PSG7: variants seen among roughly 807,000 people sequenced by gnomAD.
PSG7 encodes the protein pregnancy-specific beta-1-glycoprotein 7.
PSG7 carries 57 observed loss-of-function variants against 45.6 expected under a neutral mutation model. That is an observed-to-expected ratio of 1.25 (90% CI 1.01 to 1.56). PSG7 has a LOEUF of 1.56. Among genes scored for constraint, PSG7 ranks in the 40% most tolerant of loss-of-function variants. The pLI is 0.00. For missense variants in PSG7, 796 were observed against 508.4 expected, an observed-to-expected ratio of 1.57 and a Z score of -5.44; for synonymous variants, 298 against 194.4, an observed-to-expected ratio of 1.53 and a Z score of -4.43.
intron 2 of PSG7, among the ~76,000 whole-genome samples, chr19:42,934,638 T>C (rs891039902): frequency 7.2e-5 from 11 of 151,730 alleles, no homozygotes; most frequent in African/African-American, 2.7e-4. Context: ...ATTAATTTGC[T>C]TCCATGAGAA....
In PSG7 at chr19:42,925,918, C is replaced by T. The variant is rs769645408; in HGVS notation, c.1098G>A (p.Trp366Ter). The T allele has an allele frequency of 1.2e-6, 2 of 1,612,186 alleles. No homozygotes were observed. Among genetic ancestry groups the T allele is most frequent in the East Asian group, 2.2e-5 (1 of 44,796 alleles). ...ADSNPPAQYS[W>*]TINGKFQLSG... ...ATAGCTGAAACTTCCCATTAATTGTCCAAGAATACTGTGCCGGTGGGTTAG... is the reference window on the plus strand; with the variant it reads ...ATAGCTGAAACTTCCCATTAATTGTTCAAGAATACTGTGCCGGTGGGTTAG... The change falls in exon 5 of 6, where the codon TGG becomes TGA. Residue 366 changes from tryptophan to a stop codon, truncating the protein, a stop_gained. Transcript: ENST00000406070. LOFTEE classifies it high-confidence loss of function.
rs782805230 is a variant in PSG7, at chr19:42,935,541, C to A, written c.293G>T (p.Arg98Leu). 8 of 1,611,994 alleles carry A rather than the reference C, an allele frequency of 5.0e-6. No homozygotes were observed. Among genetic ancestry groups the A allele is most frequent in the Non-Finnish European group, 6.8e-6 (8 of 1,179,048 alleles). Residue 98 changes from arginine (R) to leucine (L), a missense_variant, in exon 2 of 6, where the codon CGA becomes CTA. By Grantham distance (102) the Arg-to-Leu change is moderately radical. Transcript: ENST00000406070. Reference protein sequence around the residue: ...IIKYGPAYSGRETVYSNASLL... With the variant: ...IIKYGPAYSGLETVYSNASLL... ...GGATGCATTGGAATATACTGTTTCT[C>A]GTCCACTGTATGCAGGCCCATATTT...
At position 42,935,642 on chromosome 19, in the gene PSG7, G is replaced by T; in HGVS notation, c.192C>A (p.Gly64=). Residue 64 remains glycine (G), a synonymous_variant, in exon 2 of 6, where the codon GGC becomes GGA. Transcript: ENST00000406070. ...TGATTTGTCCTTTGTACCAGATGTA[G>T]CCAGTAAGATTCTGGGGCAAATTGT... ...LVHNLPQNLT[G]YIWYKGQIRD... is the part of the protein sequence containing the mutation. 2.5e-6 allele frequency: 4 copies of T among 1,612,112 alleles called. No homozygotes were observed. Among genetic ancestry groups the T allele is most frequent in the Middle Eastern group, 1.7e-4 (1 of 6,060 alleles).
Position 42,924,334 on chromosome 19 carries a change from G to A in PSG7, c.*474C>T, listed in dbSNP as rs774753282. On this transcript the variant is annotated 3_prime_UTR_variant, in exon 6 of 6. Coordinates refer to ENST00000406070, the MANE Select transcript of PSG7 (RefSeq NM_002783.3). ...AATATCTCTGTGTTCATTTCTATTG[G>A]GAGCCCTGTATGCAAGATGGAGAGA... The A allele has an allele frequency of 2.6e-6, 1 of 389,348 alleles. No homozygotes were observed. Among genetic ancestry groups the A allele is most frequent in the Non-Finnish European group, 4.5e-6 (1 of 220,278 alleles). The allele number at this position is 389,348 out of a possible 1,614,324, so 24.1% of individuals were successfully genotyped here. A position where few individuals can be genotyped will look rare whatever the true frequency, so the allele number is the denominator to read the frequency against.
chr19:42,931,620 TAA>T (rs2122688341), intron 2 of PSG7, among the ~76,000 whole-genome samples: 1 of 151,562 alleles, frequency 6.6e-6, no homozygotes, highest in African/African-American at 2.4e-5. Context: ...AGTAAGAGGC[TAA>T]GTGAGATGGC....
At chr19:42,929,849 G>A in intron 2 of PSG7, 129 bp from the exon 3 acceptor site, 3 of 1,385,218 alleles carry the variant, frequency 2.2e-6, no homozygotes, top group Non-Finnish European at 2.9e-6. Context: ...TGGCAGGTGT[G>A]TGTGTTACAA....
At chr19:42,926,376 C>G in intron 4 of PSG7, 62 bp downstream of exon 4, 2 of 1,597,658 alleles carry the variant, frequency 1.3e-6, no homozygotes, top group East Asian at 2.2e-5. Flanking sequence ...GGCCTCTGGT[C>G]GTTTGGAGTT....
At chr19:42,934,003 C>A (rs189531101) in intron 2 of PSG7, among the ~76,000 whole-genome samples, 4 of 151,542 alleles carry the variant, frequency 2.6e-5, no homozygotes, top group East Asian at 1.9e-4. Context: ...GGTTTTGGAT[C>A]AGTCATTTCT....
rs185912276 is a variant in PSG7 at position 42,930,071 on chromosome 19, G to A, written c.431-351C>T. 4.0e-4 allele frequency among the ~76,000 whole-genome samples: 61 copies of A among 151,768 alleles called. 3 individuals carry two copies. Among genetic ancestry groups the A allele is most frequent in the Admixed American group, 2.4e-3 (37 of 15,196 alleles). ...TTGTGGTCCTCACTTGGAGCATTCAGTGCTGGAATCTTCTTAGTTTCAATC... is the reference window on the plus strand; with the variant it reads ...TTGTGGTCCTCACTTGGAGCATTCAATGCTGGAATCTTCTTAGTTTCAATC... On this transcript the variant is annotated intron_variant, in intron 2 of 5. Coordinates refer to ENST00000406070, the MANE Select transcript of PSG7 (RefSeq NM_002783.3).
Position 42,935,873 on chromosome 19 carries a change from G to GACACACACAC in PSG7, c.65-114_65-105dup, listed in dbSNP as rs60833164. The stretch of plus-strand genomic sequence containing the variant: ...GGTCTCTTCAATCCTCAGCCTTGAA[G>GACACACACAC]ACACACACACACACACACACACACA... On this transcript the variant is annotated intron_variant, in intron 1 of 5. Transcript: ENST00000406070. 3,464 of 728,648 alleles carry GACACACACAC rather than the reference G, an allele frequency of 4.8e-3. 14 individuals are homozygous for GACACACACAC. Among genetic ancestry groups the GACACACACAC allele is most frequent in the Non-Finnish European group, 5.8e-3 (2,741 of 473,084 alleles). 45.1% of individuals were successfully genotyped at this position (728,648 alleles called of 1,614,324 possible).
In PSG7 at chr19:42,926,384, G is replaced by C. The variant is rs189642954; in HGVS notation, c.988+54C>G. 16 of 1,602,570 alleles carry C rather than the reference G, an allele frequency of 1.0e-5. No individual in the cohort carries two copies. In the Admixed American group the frequency reaches 1.9e-4, roughly 19 times the overall value. On this transcript the variant is annotated intron_variant, in intron 4 of 5. Transcript: ENST00000406070. ...GAGGACTGGCCTCTGGTCGTTTGGAGTTAAGCTGGTGTCCTGGCCCACAGA... is the reference window on the plus strand; with the variant it reads ...GAGGACTGGCCTCTGGTCGTTTGGACTTAAGCTGGTGTCCTGGCCCACAGA...
At position 42,933,868 on chromosome 19, in the gene PSG7, G is replaced by C. The variant is rs548006445; in HGVS notation, c.430+1536C>G. ...CCAAAGAGCTTCAGAGTTACATGAG[G>C]TGGGGTGGCTTTAGGGGCAAGAGGT... On this transcript the variant is annotated intron_variant, in intron 2 of 5. Coordinates refer to ENST00000406070, the MANE Select transcript of PSG7 (RefSeq NM_002783.3). Among the ~76,000 whole-genome samples the C allele has an allele frequency of 6.3e-4, 95 of 151,498 alleles. 1 individual carries two copies. Among genetic ancestry groups the C allele is most frequent in the African/African-American group, 2.3e-3 (93 of 41,274 alleles).
At chr19:42,933,307 A>ATATATATATATATTTTT (rs56691588) in intron 2 of PSG7, among the ~76,000 whole-genome samples, 5 of 13,500 alleles carry the variant, frequency 3.7e-4, no homozygotes, top group Non-Finnish European at 8.1e-4. Flanking sequence ...ATATATATAT[A>ATATATATATATATTTTT]TTTTTTTTTT....
intron 4 of PSG7, 125 bp from the exon 5 acceptor site, chr19:42,926,152 C>T (rs1972882528): frequency 1.4e-6 from 2 of 1,477,362 alleles, no homozygotes; most frequent in Admixed American, 2.1e-5. Context: ...CAAATCCCCT[C>T]TATGTTCACT....
intron 2 of PSG7, among the ~76,000 whole-genome samples, chr19:42,931,238 A>G (rs1973012796): frequency 6.6e-6 from 1 of 151,704 alleles, no homozygotes; most frequent in South Asian, 2.1e-4. Flanking sequence ...CCAAACATCT[A>G]AGATCAATTG....
chr19:42,935,260 T>C, intron 2 of PSG7, 144 bp downstream of exon 2: 5 of 1,446,124 alleles, frequency 3.5e-6, no homozygotes, highest in Non-Finnish European at 4.8e-6. Context: ...CCTCTGTGTG[T>C]TTCCTGCAAT....
In PSG7 at chr19:42,936,977, C is replaced by T. The variant is rs565259300; in HGVS notation, c.64+36G>A. On this transcript the variant is annotated intron_variant, in intron 1 of 5. Coordinates refer to ENST00000406070, the MANE Select transcript of PSG7 (RefSeq NM_002783.3). The stretch of plus-strand genomic sequence containing the variant: ...AGACCCCATCCAGTCACTCTGCTTC[C>T]TTTTCCTGTCCTCTCCCAGGAAGTT... 6.8e-6 allele frequency: 11 copies of T among 1,607,748 alleles called. No homozygotes were observed. In the South Asian group the frequency reaches 1.2e-4, roughly 18 times the overall value.
Position 42,935,417 on chromosome 19 carries a change from G to A in PSG7, c.417C>T (p.Thr139=), listed in dbSNP as rs1973125375. ...GGAATCACTCACGGTATAAGGTGAAGGTGAAACGTCCAGTTACTCCTCCAG... is the reference window on the plus strand; with the variant it reads ...GGAATCACTCACGGTATAAGGTGAAAGTGAAACGTCCAGTTACTCCTCCAG... ...DGTGGVTGRF[T]FTLYLETPKP... The change falls in exon 2 of 6, where the codon ACC becomes ACT. Residue 139 remains threonine (T), a synonymous_variant. Transcript: ENST00000406070. 1.2e-6 allele frequency: 2 copies of A among 1,611,786 alleles called. No individual in the cohort carries two copies. The highest frequency in any genetic ancestry group is 1.1e-5 in the South Asian group (1 of 90,726).
At position 42,929,803 on chromosome 19, in the gene PSG7, C is replaced by T. The variant is rs188966636; in HGVS notation, c.431-83G>A. ...CATTTTTCAATCAGAGTTGGCATTT[C>T]CAACCTCTCAGCCCACCCAAGTCCT... On this transcript the variant is annotated intron_variant, in intron 2 of 5. Transcript: ENST00000406070. The T allele has an allele frequency of 1.1e-3, 1,733 of 1,530,470 alleles. 50 individuals are homozygous for T. The highest frequency in any genetic ancestry group is 1.4e-3 in the Non-Finnish European group (1,597 of 1,131,140). 94.8% of individuals were successfully genotyped at this position (1,530,470 alleles called of 1,614,324 possible).
Sources: allele counts gnomAD v4.1 joint callset (sites outside exome capture counted in the v4.1 genomes callset), GRCh38; gene constraint gnomAD v4.1.1; transcripts MANE v1.5; gene names NCBI Gene and HGNC (gene_info 2026-07-23, HGNC 2026-07-21).